The following TUSC3 variants were observed in gnomAD, a reference collection of about 807,000 sequenced individuals.
TUSC3 encodes dolichyl-diphosphooligosaccharide--protein glycosyltransferase subunit TUSC3.
In TUSC3, 45 loss-of-function variants were observed where a neutral mutation model predicts 44.8. That is an observed-to-expected ratio of 1.00 (90% CI 0.79 to 1.29). TUSC3 has a LOEUF of 1.29. Among genes scored for constraint, TUSC3 ranks in the 50% most tolerant of loss-of-function variants. TUSC3 has a pLI of 0.00. For synonymous variants in TUSC3, 212 were observed against 152.9 expected (o/e 1.39, Z -2.85); for missense variants, 519 against 437.9 (o/e 1.19, Z -1.65).
chr8:15,682,290 A>G (rs1177724675), intron 6 of TUSC3, among the ~76,000 whole-genome samples: 1 of 152,174 alleles, frequency 6.6e-6, no homozygotes, highest in Non-Finnish European at 1.5e-5. Context: ...GTGCCTGTCC[A>G]AGTCTTTTTG....
chr8:15,671,593 G>A (rs1269644335), intron 5 of TUSC3, among the ~76,000 whole-genome samples: 1 of 151,900 alleles, frequency 6.6e-6, no homozygotes, highest in Non-Finnish European at 1.5e-5. Context: ...GTTTGAACCT[G>A]GTTTTGTTTT....
chr8:15,677,114 C>T (rs976071577), intron 6 of TUSC3, among the ~76,000 whole-genome samples: 2 of 152,082 alleles, frequency 1.3e-5, no homozygotes, highest in African/African-American at 4.8e-5. Flanking sequence ...GAACTCCTGG[C>T]TCAAGTGATC....
intron 1 of TUSC3, among the ~76,000 whole-genome samples, chr8:15,616,253 A>T (rs1804982547): frequency 6.6e-6 from 1 of 152,144 alleles, no homozygotes; most frequent in African/African-American, 2.4e-5. Context: ...TACAAAATTT[A>T]CTCCTAGAAA....
At chr8:15,660,102 G>C (rs575148099) in intron 4 of TUSC3, among the ~76,000 whole-genome samples, 1 of 152,114 alleles carries the variant, frequency 6.6e-6, no homozygotes, top group South Asian at 2.1e-4. Context: ...TGTCATGTCT[G>C]TATGTAATTT....
chr8:15,504,610 TA>T (rs1563268584), intron 2 of TUSC3, among the ~76,000 whole-genome samples: 184 of 31,108 alleles, frequency 5.9e-3, no homozygotes, highest in African/African-American at 0.015. Flanking sequence ...TATATATATA[TA>T]TATATATATA....
chr8:15,495,905 C>T (rs532789320), intron 2 of TUSC3, among the ~76,000 whole-genome samples: 145 of 152,272 alleles, frequency 9.5e-4, no homozygotes, highest in African/African-American at 3.3e-3. Context: ...CCTCCAGGGT[C>T]ACTATACACT....
intron 5 of TUSC3, among the ~76,000 whole-genome samples, chr8:15,662,800 A>G (rs1257006472): frequency 2.6e-5 from 4 of 151,988 alleles, no homozygotes; most frequent in Admixed American, 6.6e-5. Flanking sequence ...TATGTGTGCT[A>G]TGACGGCAGT....
the TUSC3 span, among the ~76,000 whole-genome samples, chr8:15,832,212 G>A: frequency 2.7e-3 from 413 of 152,076 alleles, 1 homozygote; most frequent in African/African-American, 9.5e-3. Context: ...AAGCAAAGGA[G>A]GAACAAGATC....
chr8:15,788,222 T>A, the TUSC3 span, among the ~76,000 whole-genome samples: 1 of 152,144 alleles, frequency 6.6e-6, no homozygotes, highest in Non-Finnish European at 1.5e-5. Context: ...TGTTTTACAT[T>A]AGAATACAAG....
At chr8:15,697,198 C>CT (rs1329419434) in intron 6 of TUSC3, among the ~76,000 whole-genome samples, 3 of 152,058 alleles carry the variant, frequency 2.0e-5, no homozygotes, top group Non-Finnish European at 4.4e-5. Flanking sequence ...TGCTAATGGT[C>CT]TATCAGTTTT....
At chr8:15,768,041 C>T (rs1026666339), downstream of TUSC3, among the ~76,000 whole-genome samples, 6 of 152,132 alleles carry the variant, frequency 3.9e-5, no homozygotes, top group African/African-American at 1.2e-4. Context: ...AATATTTACA[C>T]CCAGACCAAA....
chr8:15,749,718 C>G (rs1190263195), intron 9 of TUSC3, among the ~76,000 whole-genome samples: 2 of 144,436 alleles, frequency 1.4e-5, no homozygotes, highest in Non-Finnish European at 3.0e-5. Flanking sequence ...TAAGTAATAT[C>G]CAAGAAAGAT....
At chr8:15,796,418 A>G in the TUSC3 span, among the ~76,000 whole-genome samples, 1 of 152,210 alleles carries the variant, frequency 6.6e-6, no homozygotes, top group African/African-American at 2.4e-5. Flanking sequence ...GCCACTGGGA[A>G]CAGCCTAAGA....
intron 6 of TUSC3, among the ~76,000 whole-genome samples, chr8:15,680,329 T>TTG (rs1159605909): frequency 6.6e-6 from 1 of 151,852 alleles, no homozygotes; most frequent in Non-Finnish European, 1.5e-5. Context: ...CCTAGGTAAT[T>TTG]TGTGTGTGTA....
intron 1 of TUSC3, among the ~76,000 whole-genome samples, chr8:15,546,723 C>G (rs1460565811): frequency 2.6e-5 from 4 of 151,450 alleles, no homozygotes; most frequent in Non-Finnish European, 4.4e-5. Flanking sequence ...TTAGTAGAGA[C>G]AGGGTTTCTC....
At chr8:15,641,629 CTGT>C (rs1806375987) in intron 2 of TUSC3, among the ~76,000 whole-genome samples, 1 of 152,154 alleles carries the variant, frequency 6.6e-6, no homozygotes, top group South Asian at 2.1e-4. Flanking sequence ...CTCATGACAA[CTGT>C]TGAGAGAGAA....
intron 2 of TUSC3, among the ~76,000 whole-genome samples, chr8:15,497,878 G>A (rs975066636): frequency 1.3e-4 from 20 of 151,924 alleles, no homozygotes; most frequent in African/African-American, 4.8e-4. Context: ...CTGAGTAGTT[G>A]GGATTCTGTA....
chr8:15,685,861 T>C (rs953678832), intron 6 of TUSC3, among the ~76,000 whole-genome samples: 1 of 98,614 alleles, frequency 1.0e-5, no homozygotes, highest in Non-Finnish European at 2.9e-5. Context: ...TTCTTAGGTT[T>C]TTTTTTTTTT....
chr8:15,538,676 A>G (rs1353778164), upstream of TUSC3, among the ~76,000 whole-genome samples: 1 of 152,122 alleles, frequency 6.6e-6, no homozygotes, highest in Non-Finnish European at 1.5e-5. Flanking sequence ...TATTAACCTC[A>G]CAACAGTTTC....
Sources: allele counts gnomAD v4.1 joint callset (sites outside exome capture counted in the v4.1 genomes callset), GRCh38; gene constraint gnomAD v4.1.1; transcripts MANE v1.5; gene names NCBI Gene and HGNC (gene_info 2026-07-23, HGNC 2026-07-21).